The following DNAH10 variants were observed in gnomAD, a reference collection of about 807,000 sequenced individuals.
The protein encoded by DNAH10 is dynein axonemal heavy chain 10.
DNAH10 carries 348 observed loss-of-function variants against 506.6 expected under a neutral mutation model. The observed-to-expected ratio is 0.69, with a 90% CI of 0.63 to 0.75. The LOEUF is 0.75. DNAH10 is among the 30% of genes least tolerant of loss of function. The pLI, the probability that DNAH10 is intolerant of heterozygous loss-of-function variation, is 0.00. For missense variants in DNAH10, 5,179 were observed against 5,787.1 expected (o/e 0.89, Z 3.41); for synonymous variants, 2,059 against 2,198.6 (o/e 0.94, Z 1.78).
chr12:123,905,169 T>C (rs559135867), intron 57 of DNAH10, among the ~76,000 whole-genome samples: 1 of 152,376 alleles, frequency 6.6e-6, no homozygotes, highest in Admixed American at 6.5e-5. Flanking sequence ...AGCTTTTGCA[T>C]GTTGATGTAT....
At chr12:123,934,590 GT>G in intron 77 of DNAH10, 30 bp from the exon 78 acceptor site, 1 of 1,611,388 alleles carries the variant, frequency 6.2e-7, no homozygotes, top group East Asian at 2.2e-5. Flanking sequence ...GCATGCTCCA[GT>G]TGTATCCAGT....
At chr12:123,770,874 C>G (rs1593966591) in intron 2 of DNAH10, among the ~76,000 whole-genome samples, 1 of 151,996 alleles carries the variant, frequency 6.6e-6, no homozygotes, top group East Asian at 1.9e-4. Context: ...GGACTTGAGA[C>G]AGGTGCGTCA....
At chr12:123,823,789 A>G (rs1278060907) in intron 24 of DNAH10, among the ~76,000 whole-genome samples, 1 of 152,158 alleles carries the variant, frequency 6.6e-6, no homozygotes, top group African/African-American at 2.4e-5. Context: ...ATTTAAAAAT[A>G]TACAATTTTT....
chr12:123,859,408 C>T (rs904770605), intron 38 of DNAH10, 140 bp downstream of exon 38: 56 of 633,310 alleles, frequency 8.8e-5, no homozygotes, highest in African/African-American at 4.8e-4. Flanking sequence ...TTCGACTCAG[C>T]GTGTTTTTAC....
chr12:123,923,711 T>A, intron 65 of DNAH10, 52 bp from the exon 66 acceptor site: 3 of 1,384,584 alleles, frequency 2.2e-6, no homozygotes, highest in Non-Finnish European at 3.0e-6. Flanking sequence ...GAAACTCAGT[T>A]TTTTAAAAAT....
In DNAH10 at chr12:123,796,765, G is replaced by T. The variant is rs143386728; in HGVS notation, c.2096G>T (p.Arg699Leu). 2.2e-5 allele frequency: 36 copies of T among 1,613,940 alleles called. No individual in the cohort carries two copies. The highest frequency in any genetic ancestry group is 2.8e-5 in the Non-Finnish European group (33 of 1,180,014). The change falls in exon 13 of 79, where the codon CGG becomes CTG. Residue 699 changes from arginine to leucine, a missense_variant. By Grantham distance (102) the Arg-to-Leu change is moderately radical. Around this residue, in one of 3 missense-constraint regions of DNAH10, gnomAD observed 4,844 missense variants for 5,430.5 expected, o/e 0.89. Transcript: ENST00000673944. ...AIYWERSLFF[R>L]IKHTILRFQE... ...TACTGGGAACGATCTCTGTTCTTTCGGATTAAGCATACCATCCTCCGATTT... is the reference window on the plus strand; with the variant it reads ...TACTGGGAACGATCTCTGTTCTTTCTGATTAAGCATACCATCCTCCGATTT...
chr12:123,844,621 A>G (rs1950884708), intron 30 of DNAH10, among the ~76,000 whole-genome samples: 1 of 152,200 alleles, frequency 6.6e-6, no homozygotes, highest in African/African-American at 2.4e-5. Flanking sequence ...GTCAGAGATT[A>G]TGAAATTCTT....
chr12:123,848,954 T>C, intron 34 of DNAH10, 72 bp downstream of exon 34: 1 of 1,560,612 alleles, frequency 6.4e-7, no homozygotes, highest in African/African-American at 1.4e-5. Context: ...GCTTCCTCTG[T>C]AGCGTCAGTT....
intron 11 of DNAH10, among the ~76,000 whole-genome samples, chr12:123,792,830 G>A (rs1426343857): frequency 6.6e-6 from 1 of 152,104 alleles, no homozygotes; most frequent in African/African-American, 2.4e-5. Context: ...TCTCTCATCT[G>A]TGTTGGATTT....
intron 41 of DNAH10, 43 bp from the exon 42 acceptor site, chr12:123,867,424 T>TAAAC (rs748981362): frequency 1.3e-6 from 2 of 1,578,896 alleles, no homozygotes; most frequent in Non-Finnish European, 1.7e-6. Flanking sequence ...TCCATTTAAA[T>TAAAC]AAACAAACCC....
rs1257207321 is a variant in DNAH10 at position 123,909,964 on chromosome 12, C to T, written c.9997+522C>T. Among the ~76,000 whole-genome samples, 1 of 152,204 alleles carries T rather than the reference C, an allele frequency of 6.6e-6. No individual in the cohort carries two copies. Among genetic ancestry groups the T allele is most frequent in the Non-Finnish European group, 1.5e-5 (1 of 68,040 alleles). ...CTTGAGCTCAGTTCCTGACCCTGCC[C>T]AGTGCTCAGCCAGGCGGTGATAGTG... On this transcript the variant is annotated intron_variant, in intron 58 of 78. Coordinates refer to ENST00000673944, the MANE Select transcript of DNAH10 (RefSeq NM_001372106.1). The surrounding 1 kb of genome is among the most constrained non-coding windows in gnomAD (Gnocchi z 5.4).
intron 56 of DNAH10, among the ~76,000 whole-genome samples, chr12:123,899,064 G>T (rs80242015): frequency 1.3e-5 from 2 of 152,104 alleles, no homozygotes; most frequent in African/African-American, 2.4e-5. Context: ...AGGCCCCTGC[G>T]CTGGTAGCCT....
rs569012372 is a variant in DNAH10, at chr12:123,799,377, C to A, written c.2289+6C>A. 1 of 1,610,234 alleles carries A rather than the reference C, an allele frequency of 6.2e-7. No individual in the cohort carries two copies. The highest frequency in any genetic ancestry group is 2.2e-5 in the East Asian group (1 of 44,870). ...AGAAGAGCCTTTTGACCAAGGTGCG[C>A]TGCCCACGCCCTCATTCCCGATTGC... is the stretch of plus-strand genomic sequence containing the variant. On this transcript the variant is annotated splice_donor_region_variant and intron_variant, in intron 14 of 78. Coordinates refer to ENST00000673944, the MANE Select transcript of DNAH10 (RefSeq NM_001372106.1).
At position 123,850,956 on chromosome 12, in the gene DNAH10, A is replaced by G. The variant is rs766394030; in HGVS notation, c.6171A>G (p.Ala2057=). ...GIFITMNPGY[A]GRTELPESVK... The stretch of plus-strand genomic sequence containing the variant: ...TCATCACCATGAACCCCGGCTACGC[A>G]GGCCGCACGGAGCTGCCCGAGTCGG... The change falls in exon 35 of 79, where the codon GCA becomes GCG. Residue 2057 remains alanine (A), a synonymous_variant. Coordinates refer to ENST00000673944, the MANE Select transcript of DNAH10 (RefSeq NM_001372106.1). The surrounding 1 kb of genome is among the most constrained non-coding windows in gnomAD (Gnocchi z 5.5). 3.0e-5 allele frequency: 49 copies of G among 1,613,832 alleles called. No individual in the cohort carries two copies. The highest frequency in any genetic ancestry group is 3.7e-5 in the Non-Finnish European group (44 of 1,179,936).
At chr12:123,924,212 G>A in intron 66 of DNAH10, 66 bp from the exon 67 acceptor site, 14 of 1,508,114 alleles carry the variant, frequency 9.3e-6, no homozygotes, top group South Asian at 6.7e-5. Flanking sequence ...GGGAGAAGTC[G>A]AAGCAGAGTT....
chr12:123,843,604 G>A (rs1237257469), intron 30 of DNAH10, among the ~76,000 whole-genome samples: 1 of 151,966 alleles, frequency 6.6e-6, no homozygotes, highest in Non-Finnish European at 1.5e-5. Flanking sequence ...TTGAGACAGA[G>A]TCTCGCTCTG....
At chr12:123,823,009 G>A (rs1006706608) in intron 24 of DNAH10, among the ~76,000 whole-genome samples, 1 of 152,186 alleles carries the variant, frequency 6.6e-6, no homozygotes, top group East Asian at 1.9e-4. Flanking sequence ...ACCGATATGT[G>A]AACAAATAAC....
chr12:123,853,460 G>A lies in DNAH10; in HGVS notation c.6438+108G>A, dbSNP rs145643953. On this transcript the variant is annotated intron_variant, in intron 36 of 78. Transcript: ENST00000673944. This position sits in a 1 kb window ranked among gnomAD's most constrained non-coding sequence, Gnocchi z 4.7. ...GTATGGTATCACCTGAAAGGTTTAA[G>A]TCTTAGCTGCCTCTTCACCCCGCGG... The A allele has an allele frequency of 2.9e-4, 403 of 1,368,538 alleles. 1 individual carries two copies. The highest frequency in any genetic ancestry group is 3.6e-4 in the Non-Finnish European group (375 of 1,039,884). The allele number at this position is 1,368,538 out of a possible 1,614,324, so 84.8% of individuals were successfully genotyped here. A position where few individuals can be genotyped will look rare whatever the true frequency, so the allele number is the denominator to read the frequency against.
chr12:123,781,284 A>T lies in DNAH10; in HGVS notation c.826A>T (p.Met276Leu), dbSNP rs1422253514. The change falls in exon 6 of 79, where the codon ATG becomes TTG. Residue 276 changes from methionine to leucine, a missense_variant. Transcript: ENST00000673944. ...QKFASNIQRTMQQLEGEIKLE... is the reference protein window; with the variant it reads ...QKFASNIQRTLQQLEGEIKLE... ...ATTTGCAAGTAATATTCAAAGAACC[A>T]TGCAGCAACTTGAAGGTAAGGTTTC... 3 of 1,611,540 alleles carry T rather than the reference A, an allele frequency of 1.9e-6. No homozygotes were observed. The African/African-American group carries it at 4.0e-5, about 22-fold the overall frequency.
Sources: allele counts gnomAD v4.1 joint callset (sites outside exome capture counted in the v4.1 genomes callset), GRCh38; gene constraint gnomAD v4.1.1; regional missense constraint gnomAD v4.1.1; non-coding constraint Gnocchi (gnomAD v3.1); transcripts MANE v1.5; gene names NCBI Gene and HGNC (gene_info 2026-07-23, HGNC 2026-07-21).